VPS53: variants seen among roughly 807,000 people sequenced by gnomAD.
The protein encoded by VPS53 is vacuolar protein sorting-associated protein 53 homolog.
Under a neutral mutation model 107.0 loss-of-function variants are expected in VPS53, and 70 were observed. The ratio of observed to expected loss-of-function variants is 0.65; its 90% CI spans 0.54 to 0.80. The LOEUF (loss-of-function observed/expected upper bound fraction) is 0.80. Ranked by LOEUF, VPS53 falls within the 30% of genes least tolerant of loss-of-function variation. VPS53 has a pLI of 0.00. For missense variants in VPS53, 917 were observed against 1,049.4 expected (o/e 0.87, Z 1.74); for synonymous variants, 409 against 393.3 (o/e 1.04, Z -0.47).
intron 17 of VPS53, chr17:538,309 C>G (rs765875885): frequency 3.9e-5 from 6 of 152,492 alleles, no homozygotes; most frequent in African/African-American, 1.2e-4. Context: ...GCTGAGTCAG[C>G]CTTTCACAGT....
chr17:581,325 G>C (rs571117199), intron 13 of VPS53, among the ~76,000 whole-genome samples: 1 of 151,296 alleles, frequency 6.6e-6, no homozygotes, highest in South Asian at 2.1e-4. Flanking sequence ...AGAACCTAAT[G>C]GGTTCCCAGA....
At chr17:610,085 C>T (rs1002057049) in intron 11 of VPS53, among the ~76,000 whole-genome samples, 5 of 150,738 alleles carry the variant, frequency 3.3e-5, no homozygotes, top group Non-Finnish European at 5.9e-5. Flanking sequence ...GAGCCGAGAT[C>T]GCGCCACTGC....
intron 7 of VPS53, among the ~76,000 whole-genome samples, chr17:647,535 C>A (rs1030923489): frequency 6.6e-6 from 1 of 152,184 alleles, no homozygotes; most frequent in African/African-American, 2.4e-5. Context: ...TTCCTCCTCC[C>A]CCATCCGCTG....
chr17:586,940 T>C (rs1004755769), intron 12 of VPS53, among the ~76,000 whole-genome samples: 1 of 152,234 alleles, frequency 6.6e-6, no homozygotes, highest in African/African-American at 2.4e-5. Flanking sequence ...CCAGAATTTT[T>C]TGAATTCCAT....
At chr17:521,483 A>G in intron 20 of VPS53, 118 bp downstream of exon 20, 1 of 1,197,372 alleles carries the variant, frequency 8.4e-7, no homozygotes, top group Non-Finnish European at 1.1e-6. Flanking sequence ...CCAGCCCAAG[A>G]ATGTGGACCA....
chr17:611,661 C>G lies in VPS53; in HGVS notation c.1117-9765G>C, dbSNP rs72477041. Among the ~76,000 whole-genome samples the G allele has an allele frequency of 2.1e-3, 316 of 152,306 alleles. 9 individuals are homozygous for G. The East Asian group carries it at 0.055, about 27-fold the overall frequency. Reference sequence around the variant, plus strand: ...CACAGCAGTATTCATACAGTGAAAACCTGTACCGATATTCACAGCAGTATT... The same window carrying G: ...CACAGCAGTATTCATACAGTGAAAAGCTGTACCGATATTCACAGCAGTATT... On this transcript the variant is annotated intron_variant, in intron 11 of 21. Transcript: ENST00000437048.
chr17:646,930 C>G (rs1228562676), intron 7 of VPS53, among the ~76,000 whole-genome samples: 4 of 152,250 alleles, frequency 2.6e-5, no homozygotes, highest in Non-Finnish European at 4.4e-5. Context: ...CTTATTTTAT[C>G]CAGACTCCTG....
At chr17:542,658 T>C (rs1910788602) in intron 17 of VPS53, among the ~76,000 whole-genome samples, 1 of 152,212 alleles carries the variant, frequency 6.6e-6, no homozygotes, top group South Asian at 2.1e-4. Flanking sequence ...ATTGAAATTA[T>C]GGTGATTTAA....
At chr17:656,204 C>A (rs1450963130) in intron 5 of VPS53, among the ~76,000 whole-genome samples, 1 of 152,088 alleles carries the variant, frequency 6.6e-6, no homozygotes, top group African/African-American at 2.4e-5. Flanking sequence ...TATTTTTTTA[C>A]CCCAAATGAA....
chr17:694,804 G>A (rs1039692830), intron 4 of VPS53, among the ~76,000 whole-genome samples: 1 of 152,200 alleles, frequency 6.6e-6, no homozygotes. Flanking sequence ...GTCTCGCTCT[G>A]TCATCCGGGC....
At chr17:587,452 T>C (rs899060795) in intron 12 of VPS53, among the ~76,000 whole-genome samples, 1 of 152,148 alleles carries the variant, frequency 6.6e-6, no homozygotes, top group South Asian at 2.1e-4. Flanking sequence ...TTGGTAACCT[T>C]ACATCAGATA....
At chr17:599,374 G>A (rs1968206505) in intron 12 of VPS53, among the ~76,000 whole-genome samples, 1 of 152,146 alleles carries the variant, frequency 6.6e-6, no homozygotes, top group African/African-American at 2.4e-5. Context: ...GAGAGAAGTA[G>A]ACATGGGAGA....
At chr17:550,824 G>T (rs1046089034) in intron 17 of VPS53, among the ~76,000 whole-genome samples, 2 of 150,750 alleles carry the variant, frequency 1.3e-5, no homozygotes, top group African/African-American at 2.4e-5. Context: ...AGTGCCAAAG[G>T]AGGAGACTTG....
chr17:523,832 C>A (rs2151796376), intron 19 of VPS53, among the ~76,000 whole-genome samples: 2 of 152,256 alleles, frequency 1.3e-5, no homozygotes, highest in East Asian at 3.9e-4. Flanking sequence ...GGTATGCAAA[C>A]CTCCAGGAGG....
intron 14 of VPS53, among the ~76,000 whole-genome samples, chr17:562,049 C>T (rs766399599): frequency 7.2e-5 from 11 of 152,202 alleles, no homozygotes; most frequent in Non-Finnish European, 1.3e-4. Flanking sequence ...GTGTGCACCA[C>T]AAGAGGGACT....
At chr17:625,983 A>C (rs941507131) in intron 10 of VPS53, among the ~76,000 whole-genome samples, 2 of 152,132 alleles carry the variant, frequency 1.3e-5, no homozygotes, top group Admixed American at 1.3e-4. Flanking sequence ...AGCCGCAAAT[A>C]AAGAATAAAA....
chr17:551,740 CG>C, intron 17 of VPS53, 131 bp downstream of exon 17: 2 of 698,178 alleles, frequency 2.9e-6, no homozygotes, highest in Non-Finnish European at 4.3e-6. Context: ...TCAGGAACTC[CG>C]GGGCCTCTCC....
rs779495705 is a variant in VPS53 at position 628,071 on chromosome 17, A to C, written c.831+17T>G. On this transcript the variant is annotated intron_variant, in intron 9 of 21. Coordinates refer to ENST00000437048, the MANE Select transcript of VPS53 (RefSeq NM_001128159.3). ...AAATTCAAATGTTACATCTGATCTT[A>C]TTTGGTCAATACTCACATCTTGGTT... is the stretch of plus-strand genomic sequence containing the variant. 6.2e-7 allele frequency: 1 copy of C among 1,603,326 alleles called. No homozygotes were observed. Among genetic ancestry groups the C allele is most frequent in the Non-Finnish European group, 8.5e-7 (1 of 1,175,902 alleles).
At chr17:568,777 T>C (rs189635861) in intron 13 of VPS53, among the ~76,000 whole-genome samples, 1 of 152,254 alleles carries the variant, frequency 6.6e-6, no homozygotes, top group Non-Finnish European at 1.5e-5. Context: ...TTGCCAACGT[T>C]GAATGGGAGA....
Sources: allele counts gnomAD v4.1 joint callset (sites outside exome capture counted in the v4.1 genomes callset), GRCh38; gene constraint gnomAD v4.1.1; transcripts MANE v1.5; gene names NCBI Gene and HGNC (gene_info 2026-07-23, HGNC 2026-07-21).